ALCAM: variants seen among roughly 807,000 people sequenced by gnomAD.
ALCAM encodes the protein CD166 antigen.
ALCAM carries 30 observed loss-of-function variants against 70.9 expected under a neutral mutation model. The observed-to-expected ratio is 0.42, with a 90% confidence interval of 0.32 to 0.57. The LOEUF is 0.57. Ranked by LOEUF, ALCAM falls within the 20% of genes least tolerant of loss-of-function variation. The probability of loss-of-function intolerance (pLI) is 0.11; values close to 1 mark genes in which losing one functional copy is unlikely to be tolerated. For missense variants in ALCAM, 591 were observed against 695.1 expected (o/e 0.85, Z 1.68); for synonymous variants, 249 against 242.5 (o/e 1.03, Z -0.25).
intron 1 of ALCAM, among the ~76,000 whole-genome samples, chr3:105,446,278 C>A (rs1576168183): frequency 1.3e-5 from 2 of 152,232 alleles, no homozygotes; most frequent in East Asian, 1.9e-4. Context: ...AATGAGATAT[C>A]ACCTCACTCT....
intron 1 of ALCAM, among the ~76,000 whole-genome samples, chr3:105,388,781 A>T (rs1412606132): frequency 1.3e-5 from 2 of 151,586 alleles, no homozygotes; most frequent in African/African-American, 4.8e-5. Context: ...GAACTTAATA[A>T]TTAGATTCCA....
chr3:105,540,950 C>T lies in ALCAM; in HGVS notation c.859-683C>T, dbSNP rs139278312. On this transcript the variant is annotated intron_variant, in intron 7 of 15. Transcript: ENST00000306107. ...TTAATTGCTGTTTTTGTTTCCTTTG[C>T]GAAGGAAAATTTAAAACTAATTAGG... 4.5e-3 allele frequency among the ~76,000 whole-genome samples: 689 copies of T among 151,908 alleles called. 9 individuals are homozygous for T. The highest frequency in any genetic ancestry group is 0.024 in the Middle Eastern group (7 of 292).
chr3:105,485,106 T>C (rs1254055124), intron 1 of ALCAM, among the ~76,000 whole-genome samples: 4 of 152,104 alleles, frequency 2.6e-5, no homozygotes, highest in African/African-American at 9.7e-5. Flanking sequence ...AACTACACTA[T>C]GCTTTACATA....
chr3:105,400,082 C>T lies in ALCAM; in HGVS notation c.73+32601C>T, dbSNP rs145069357. On this transcript the variant is annotated intron_variant, in intron 1 of 15. Transcript: ENST00000306107. ...GTTTTTAAATAATTGAGGTTATAAG[C>T]ATAATAGTTGGAAGGGTTAACTACG... 2.7e-4 allele frequency among the ~76,000 whole-genome samples: 41 copies of T among 152,128 alleles called. No individual in the cohort carries two copies. The East Asian group carries it at 7.9e-3, about 29-fold the overall frequency.
At chr3:105,408,102 G>A (rs751680637) in intron 1 of ALCAM, among the ~76,000 whole-genome samples, 3 of 152,082 alleles carry the variant, frequency 2.0e-5, no homozygotes, top group Admixed American at 6.6e-5. Context: ...TCATGGTTGG[G>A]TAGAAACAAT....
chr3:105,552,428 C>A, intron 13 of ALCAM, 40 bp from the exon 14 acceptor site: 1 of 1,578,404 alleles, frequency 6.3e-7, no homozygotes, highest in South Asian at 1.1e-5. Flanking sequence ...AAATCCTTGG[C>A]ATTGTCTGTA....
intron 1 of ALCAM, among the ~76,000 whole-genome samples, chr3:105,505,767 A>G (rs768671886): frequency 1.3e-5 from 2 of 152,218 alleles, no homozygotes; most frequent in Non-Finnish European, 2.9e-5. Flanking sequence ...TGTTTAGCAT[A>G]TATCTTTTAC....
intron 1 of ALCAM, among the ~76,000 whole-genome samples, chr3:105,410,876 A>G (rs1936371130): frequency 1.3e-5 from 2 of 152,032 alleles, no homozygotes; most frequent in Non-Finnish European, 2.9e-5. Flanking sequence ...TTATATTCAA[A>G]ACACCCTTTG....
At chr3:105,450,112 A>G (rs7651616) in intron 1 of ALCAM, among the ~76,000 whole-genome samples, 15,352 of 152,168 alleles carry the variant, frequency 0.1, 865 homozygotes, top group South Asian at 0.16. Flanking sequence ...TTCTAATAAT[A>G]GTTCCATGAA....
intron 1 of ALCAM, among the ~76,000 whole-genome samples, chr3:105,509,845 T>C (rs1312655228): frequency 4.6e-5 from 7 of 152,140 alleles, no homozygotes. Context: ...TCTAAAAGCT[T>C]TAAGGTTTGT....
At chr3:105,557,079 C>A (rs766373930) in intron 14 of ALCAM, among the ~76,000 whole-genome samples, 38 of 151,826 alleles carry the variant, frequency 2.5e-4, no homozygotes, top group Non-Finnish European at 4.1e-4. Flanking sequence ...CTTACCAGGC[C>A]TTTTTTGGAA....
intron 6 of ALCAM, among the ~76,000 whole-genome samples, chr3:105,538,848 T>A (rs1339806802): frequency 6.6e-6 from 1 of 152,132 alleles, no homozygotes; most frequent in Non-Finnish European, 1.5e-5. Context: ...AACCTCAGAA[T>A]GTACTGGACA....
At chr3:105,553,864 T>A (rs1000969047) in intron 14 of ALCAM, among the ~76,000 whole-genome samples, 2 of 151,932 alleles carry the variant, frequency 1.3e-5, no homozygotes, top group African/African-American at 4.8e-5. Flanking sequence ...TGTTTTAGAA[T>A]CTTTGTGTTG....
chr3:105,565,187 T>A (rs941878834), intron 14 of ALCAM, among the ~76,000 whole-genome samples: 1 of 152,240 alleles, frequency 6.6e-6, no homozygotes, highest in African/African-American at 2.4e-5. Flanking sequence ...TATTTTTCAC[T>A]GCTTTTGAAA....
intron 1 of ALCAM, among the ~76,000 whole-genome samples, chr3:105,377,915 G>A (rs570172278): frequency 6.6e-6 from 1 of 151,824 alleles, no homozygotes; most frequent in Non-Finnish European, 1.5e-5. Context: ...ACATTTTATG[G>A]GTGGTCTGAC....
intron 1 of ALCAM, among the ~76,000 whole-genome samples, chr3:105,452,234 A>T (rs1234084561): frequency 6.6e-6 from 1 of 151,420 alleles, no homozygotes; most frequent in Non-Finnish European, 1.5e-5. Context: ...CCACCTCCCA[A>T]CAGGCCCTAG....
intron 1 of ALCAM, among the ~76,000 whole-genome samples, chr3:105,486,551 CT>C (rs1938432994): frequency 6.6e-6 from 1 of 152,038 alleles, no homozygotes; most frequent in Admixed American, 6.6e-5. Context: ...AAGGAATTAG[CT>C]TTTGTTTTTA....
intron 1 of ALCAM, among the ~76,000 whole-genome samples, chr3:105,415,206 G>C (rs1309826085): frequency 7.9e-5 from 12 of 152,090 alleles, no homozygotes; most frequent in Admixed American, 7.2e-4. Context: ...TGCTTTCTCT[G>C]TAAACATAAT....
intron 1 of ALCAM, among the ~76,000 whole-genome samples, chr3:105,429,120 C>T (rs1456389227): frequency 6.6e-6 from 1 of 151,848 alleles, no homozygotes; most frequent in Admixed American, 6.6e-5. Flanking sequence ...AACTCAAATT[C>T]CATCTGCAAA....
Sources: allele counts gnomAD v4.1 joint callset (sites outside exome capture counted in the v4.1 genomes callset), GRCh38; gene constraint gnomAD v4.1.1; transcripts MANE v1.5; gene names NCBI Gene and HGNC (gene_info 2026-07-23, HGNC 2026-07-21).